AMZ1: variants seen among roughly 807,000 people sequenced by gnomAD.
AMZ1 encodes the protein archaelysin family metallopeptidase 1, also known as archaemetzincin-1.
A neutral mutation model predicts 29.9 loss-of-function variants in AMZ1; 39 were observed. The observed-to-expected ratio is 1.30, with a 90% CI of 1.01 to 1.70. AMZ1 has a LOEUF of 1.70. Among genes scored for constraint, AMZ1 ranks in the 40% most tolerant of loss-of-function variants. AMZ1 has a pLI of 0.00. For synonymous variants in AMZ1, 458 were observed against 304.0 expected (o/e 1.51, Z -5.27); for missense variants, 1,041 against 680.6 (o/e 1.53, Z -5.89).
intron 3 of AMZ1, among the ~76,000 whole-genome samples, chr7:2,707,291 A>C (rs1279069225): frequency 6.8e-6 from 1 of 147,352 alleles, no homozygotes; most frequent in Admixed American, 6.7e-5. Flanking sequence ...AAAAAAAACA[A>C]AAAAACACAC....
chr7:2,735,384 A>T lies in AMZ1; in HGVS notation n.550+25568A>T, dbSNP rs115253225. Among the ~76,000 whole-genome samples, 734 of 152,336 alleles carry T rather than the reference A, an allele frequency of 4.8e-3. 12 individuals carry two copies. The highest frequency in any genetic ancestry group is 0.017 in the African/African-American group (712 of 41,578). Reference sequence around the variant, plus strand: ...TCTCCTGCAGGGTTCTAGCTGGGTCAGGCATGGAGAGTCACAGTGGCACAG... The same window carrying T: ...TCTCCTGCAGGGTTCTAGCTGGGTCTGGCATGGAGAGTCACAGTGGCACAG... On this transcript the variant is annotated intron_variant and non_coding_transcript_variant, in intron 4 of 4. Transcript: ENST00000489665.
Position 2,719,584 on chromosome 7 carries a change from G to A in AMZ1, c.*6706G>A, listed in dbSNP as rs760457439. On this transcript the variant is annotated 3_prime_UTR_variant, in exon 7 of 7. Coordinates refer to ENST00000683327, the MANE Select transcript of AMZ1 (RefSeq NM_001384743.1). ...AACATTTTATACTGCAATGACTGAT[G>A]GACGACTTTGATATACAAAATAAAT... is the stretch of plus-strand genomic sequence containing the variant. 6.6e-6 allele frequency among the ~76,000 whole-genome samples: 1 copy of A among 152,210 alleles called. No homozygotes were observed. Among genetic ancestry groups the A allele is most frequent in the African/African-American group, 2.4e-5 (1 of 41,452 alleles).
intron 4 of AMZ1, chr7:2,728,958 T>C (rs982477121): frequency 6.6e-6 from 1 of 152,362 alleles, no homozygotes; most frequent in African/African-American, 2.4e-5. Flanking sequence ...GCGCTTTCTA[T>C]CGAGTTAAAC....
chr7:2,731,490 G>T lies in AMZ1; in HGVS notation n.550+21674G>T, dbSNP rs570479193. The T allele has an allele frequency of 1.2e-6, 2 of 1,613,730 alleles. No homozygotes were observed. The highest frequency in any genetic ancestry group is 1.3e-5 in the African/African-American group (1 of 74,904). ...TGAAGAAGAGCTTGTTGTTGACGAT[G>T]GTCTCGAAGATGTTCATGGACTCCA... On this transcript the variant is annotated intron_variant and non_coding_transcript_variant, in intron 4 of 4. Transcript: ENST00000489665. The surrounding 1 kb of genome is among the most constrained non-coding windows in gnomAD (Gnocchi z 6.0).
chr7:2,734,869 AG>A, intron 4 of AMZ1, among the ~76,000 whole-genome samples: 1 of 152,280 alleles, frequency 6.6e-6, no homozygotes, highest in Middle Eastern at 3.4e-3. Context: ...GCAGAGGCCC[AG>A]CTCTGCAGTA....
rs185766553 is a variant in AMZ1 at position 2,742,147 on chromosome 7, G to A, written n.551-22565G>A. On this transcript the variant is annotated intron_variant and non_coding_transcript_variant, in intron 4 of 4. Coordinates refer to the AMZ1 transcript ENST00000489665. Reference sequence around the variant, plus strand: ...AGAGATTCTCCTGCCTCAGCCACCCGAGTAGCTGGGATTACAGAGGTGCAC... The same window carrying A: ...AGAGATTCTCCTGCCTCAGCCACCCAAGTAGCTGGGATTACAGAGGTGCAC... Among the ~76,000 whole-genome samples, 42 of 151,862 alleles carry A rather than the reference G, an allele frequency of 2.8e-4. No individual in the cohort carries two copies. In the East Asian group the frequency reaches 6.6e-3, roughly 24 times the overall value.
At chr7:2,757,957 T>C (rs1340525678) in intron 4 of AMZ1, among the ~76,000 whole-genome samples, 1 of 152,220 alleles carries the variant, frequency 6.6e-6, no homozygotes, top group Non-Finnish European at 1.5e-5. Flanking sequence ...GGAATGATTC[T>C]TCCCTCCCCC....
At position 2,719,663 on chromosome 7, in the gene AMZ1, AAT is replaced by A. The variant is rs1789335842; in HGVS notation, c.*6787_*6788del. Among the ~76,000 whole-genome samples, 1 of 150,150 alleles carries A rather than the reference AAT, an allele frequency of 6.7e-6. No individual in the cohort carries two copies. Among genetic ancestry groups the A allele is most frequent in the Non-Finnish European group, 1.5e-5 (1 of 67,730 alleles). The stretch of plus-strand genomic sequence containing the variant: ...ATCTTACATTTTCATTCTCAAAATT[AAT>A]AAATGCTATCAACCCCAATTTTTTT... On this transcript the variant is annotated 3_prime_UTR_variant, in exon 7 of 7. Transcript: ENST00000683327.
chr7:2,716,966 G>A lies in AMZ1; in HGVS notation c.*4088G>A, dbSNP rs921314080. 1.3e-5 allele frequency among the ~76,000 whole-genome samples: 2 copies of A among 152,218 alleles called. No homozygotes were observed. The highest frequency in any genetic ancestry group is 2.1e-4 in the South Asian group (1 of 4,834). ...GAACCCCGAGTTCTCCCGCTGTTGT[G>A]CAGCTTTCTAAAAGCAAGCTGGAGC... On this transcript the variant is annotated 3_prime_UTR_variant, in exon 7 of 7. Coordinates refer to ENST00000683327, the MANE Select transcript of AMZ1 (RefSeq NM_001384743.1).
chr7:2,709,705 G>A lies in AMZ1; in HGVS notation c.837G>A (p.Met279Ile). The stretch of plus-strand genomic sequence containing the variant: ...ACTGCCGCTGGCTCCGCTGCCTCAT[G>A]CAGGGTGCGCTCAGCCTGGACGAGG... ...LGNCRWLRCLMQGALSLDEAL... is the reference protein window; with the variant it reads ...LGNCRWLRCLIQGALSLDEAL... Residue 279 changes from methionine (M) to isoleucine (I), a missense_variant, in exon 6 of 7, where the codon ATG (methionine) becomes ATA (isoleucine). Coordinates refer to ENST00000683327, the MANE Select transcript of AMZ1 (RefSeq NM_001384743.1). The A allele has an allele frequency of 6.2e-7, 1 of 1,611,152 alleles. No homozygotes were observed. Among genetic ancestry groups the A allele is most frequent in the Non-Finnish European group, 8.5e-7 (1 of 1,179,868 alleles).
chr7:2,712,830 C>T lies in AMZ1; in HGVS notation c.1449C>T (p.Leu483=), dbSNP rs755974374. 32 of 1,535,018 alleles carry T rather than the reference C, an allele frequency of 2.1e-5. 1 individual carries two copies. The highest frequency in any genetic ancestry group is 1.7e-4 in the South Asian group (13 of 78,292). The stretch of plus-strand genomic sequence containing the variant: ...GGAGGAAGCTGAGTGCCCGAAAACT[C>T]GCCAGAGCAGAGTCGGCCCCCCGTC... ...SLRRKLSARK[L]ARAESAPRPW... The change falls in exon 7 of 7, where the codon CTC becomes CTT. Residue 483 remains leucine, a synonymous_variant. Transcript: ENST00000683327.
intron 4 of AMZ1, among the ~76,000 whole-genome samples, chr7:2,726,662 C>A (rs1232972184): frequency 6.6e-6 from 1 of 152,248 alleles, no homozygotes; most frequent in Non-Finnish European, 1.5e-5. Context: ...AAGCCCCCAC[C>A]AGCCACACAT....
chr7:2,740,937 C>T, intron 4 of AMZ1, among the ~76,000 whole-genome samples: 1 of 152,090 alleles, frequency 6.6e-6, no homozygotes, highest in East Asian at 1.9e-4. Flanking sequence ...CCCAGCTACT[C>T]AGGAAGCTAA....
At chr7:2,747,909 A>G (rs1790846760) in intron 4 of AMZ1, among the ~76,000 whole-genome samples, 1 of 152,040 alleles carries the variant, frequency 6.6e-6, no homozygotes, top group Non-Finnish European at 1.5e-5. Flanking sequence ...CCCATTCACA[A>G]TTGCTTCAAA....
rs987324833 is a variant in AMZ1, at chr7:2,713,143, G to A, written c.*265G>A. 3.0e-6 allele frequency: 1 copy of A among 328,254 alleles called. No homozygotes were observed. The highest frequency in any genetic ancestry group is 5.5e-6 in the Non-Finnish European group (1 of 182,614). 20.3% of individuals were successfully genotyped at this position (328,254 alleles called of 1,614,324 possible). Reference sequence around the variant, plus strand: ...TGTGTTCCCAGCTATTCAGGAGGCTGAGGTGGGAGGATTGCTTGAGCCTAG... The same window carrying A: ...TGTGTTCCCAGCTATTCAGGAGGCTAAGGTGGGAGGATTGCTTGAGCCTAG... On this transcript the variant is annotated 3_prime_UTR_variant, in exon 7 of 7. Transcript: ENST00000683327.
chr7:2,700,758 A>T lies in AMZ1; in HGVS notation c.304+3A>T. 6.2e-7 allele frequency: 1 copy of T among 1,609,666 alleles called. No homozygotes were observed. Among genetic ancestry groups the T allele is most frequent in the Non-Finnish European group, 8.5e-7 (1 of 1,177,882 alleles). On this transcript the variant is annotated splice_donor_region_variant and intron_variant, in intron 2 of 6. Coordinates refer to ENST00000683327, the MANE Select transcript of AMZ1 (RefSeq NM_001384743.1). ...GCACATCTACCTACAGCCGATAGGT[A>T]CGGGACGCCTGCAGCCATCGGCACG...
At chr7:2,708,186 C>G (rs1321212923) in intron 3 of AMZ1, among the ~76,000 whole-genome samples, 2 of 152,186 alleles carry the variant, frequency 1.3e-5, no homozygotes, top group Non-Finnish European at 2.9e-5. Context: ...GCCTCCATCC[C>G]AAGATCTTTA....
rs2115101922 is a variant in AMZ1, at chr7:2,700,521, A to G, written c.70A>G (p.Thr24Ala). 2 of 1,607,872 alleles carry G rather than the reference A, an allele frequency of 1.2e-6. No individual in the cohort carries two copies. Among genetic ancestry groups the G allele is most frequent in the South Asian group, 1.1e-5 (1 of 91,074 alleles). ...PRALKDALVS[T>A]DAALQQLYVS... Reference sequence around the variant, plus strand: ...GGCCTTGAAGGACGCTCTGGTCTCCACTGACGCAGCCCTGCAGCAGCTGTA... The same window carrying G: ...GGCCTTGAAGGACGCTCTGGTCTCCGCTGACGCAGCCCTGCAGCAGCTGTA... The change falls in exon 2 of 7, where the codon ACT becomes GCT. Residue 24 changes from threonine (T) to alanine (A), a missense_variant. Transcript: ENST00000683327.
At position 2,735,701 on chromosome 7, in the gene AMZ1, T is replaced by C. The variant is rs575182558; in HGVS notation, n.550+25885T>C. ...TAACTCATCACAGCATTTGTATCAC[T>C]ACTTGGAATGCAGGAAAACTTATCT... On this transcript the variant is annotated intron_variant and non_coding_transcript_variant, in intron 4 of 4. Transcript: ENST00000489665. Among the ~76,000 whole-genome samples the C allele has an allele frequency of 1.1e-3, 162 of 152,312 alleles. 1 individual carries two copies. The highest frequency in any genetic ancestry group is 3.9e-3 in the African/African-American group (161 of 41,576).
Sources: gnomAD v4.1 joint callset for allele counts (sites outside exome capture counted in the v4.1 genomes callset) on GRCh38, gnomAD v4.1.1 for gene constraint, Gnocchi (gnomAD v3.1) non-coding constraint, MANE v1.5 for transcripts, NCBI Gene and HGNC (gene_info 2026-07-23, HGNC 2026-07-21) for gene names.